PHF14: variants seen among roughly 807,000 people sequenced by gnomAD.
PHF14 encodes the protein PHD finger protein 14.
In PHF14, 55 loss-of-function variants were observed where a neutral mutation model predicts 117.9. The ratio of observed to expected loss-of-function variants is 0.47; its 90% CI spans 0.38 to 0.58. The LOEUF (loss-of-function observed/expected upper bound fraction) is 0.58. PHF14 is among the 20% of genes least tolerant of loss of function. The probability of loss-of-function intolerance (pLI) is 0.00; values close to 1 mark genes in which losing one functional copy is unlikely to be tolerated. For synonymous variants in PHF14, 409 were observed against 368.6 expected (o/e 1.11, Z -1.26); for missense variants, 978 against 1,122.2 (o/e 0.87, Z 1.84).
intron 14 of PHF14, among the ~76,000 whole-genome samples, chr7:11,055,728 T>A (rs946872001): frequency 2.6e-5 from 4 of 152,152 alleles, no homozygotes; most frequent in African/African-American, 9.6e-5. Context: ...GAGCCTACTT[T>A]TATTACATTT....
chr7:10,985,082 C>A (rs1443207642), intron 3 of PHF14, among the ~76,000 whole-genome samples: 1 of 151,994 alleles, frequency 6.6e-6, no homozygotes, highest in Non-Finnish European at 1.5e-5. Flanking sequence ...TAAATTATGT[C>A]CCTCAAATTA....
chr7:11,103,635 T>C, intron 16 of PHF14: 2 of 985,212 alleles, frequency 2.0e-6, no homozygotes, highest in Non-Finnish European at 2.4e-6. Flanking sequence ...TTCTGATTAA[T>C]AAATGTGGTT....
At chr7:11,017,109 T>C (rs757379890) in intron 5 of PHF14, among the ~76,000 whole-genome samples, 7 of 152,204 alleles carry the variant, frequency 4.6e-5, no homozygotes, top group South Asian at 4.1e-4. Context: ...TAGTACTCCA[T>C]TGTGTATTGT....
chr7:11,002,529 C>T (rs1340526205), intron 4 of PHF14, among the ~76,000 whole-genome samples: 3 of 152,140 alleles, frequency 2.0e-5, no homozygotes, highest in African/African-American at 4.8e-5. Flanking sequence ...ACCTCCACCT[C>T]CTGGGTTCAA....
At chr7:11,155,785 C>G (rs1420064816) in intron 17 of PHF14, among the ~76,000 whole-genome samples, 1 of 149,002 alleles carries the variant, frequency 6.7e-6, no homozygotes, top group Non-Finnish European at 1.5e-5. Context: ...TTTTTTTTAG[C>G]AACTAGCACA....
rs1583393899 is a variant in PHF14, at chr7:11,034,317, CTGT to C, written c.1456-1318_1456-1316del. Reference sequence around the variant, plus strand: ...GGGACAGACATAAAGAATGAACAGCCTGTTGTTTTGTTAGCAATTACATTGTAA... The same window carrying C: ...GGGACAGACATAAAGAATGAACAGCCTGTTTTGTTAGCAATTACATTGTAA... On this transcript the variant is annotated intron_variant, in intron 7 of 17. Coordinates refer to ENST00000634607, the MANE Select transcript of PHF14 (RefSeq NM_001007157.2). Among the ~76,000 whole-genome samples the C allele has an allele frequency of 2.0e-5, 3 of 152,054 alleles. No individual in the cohort carries two copies. The East Asian group carries it at 5.8e-4, about 29-fold the overall frequency.
intron 17 of PHF14, among the ~76,000 whole-genome samples, chr7:11,143,379 C>T (rs909592377): frequency 5.9e-5 from 9 of 152,074 alleles, no homozygotes; most frequent in South Asian, 4.2e-4. Context: ...CCTCTGCCTC[C>T]GAAAATGCTA....
intron 17 of PHF14, among the ~76,000 whole-genome samples, chr7:11,135,697 G>C (rs1788200807): frequency 6.6e-6 from 1 of 152,050 alleles, no homozygotes. Flanking sequence ...TCATTGCCGT[G>C]GTTATATTTC....
intron 16 of PHF14, among the ~76,000 whole-genome samples, chr7:11,073,290 G>A (rs1393993094): frequency 6.6e-6 from 1 of 152,130 alleles, no homozygotes; most frequent in Non-Finnish European, 1.5e-5. Context: ...ATACAATGGT[G>A]GTACAGACAT....
intron 6 of PHF14, among the ~76,000 whole-genome samples, chr7:11,027,184 G>A (rs1783947956): frequency 6.6e-6 from 1 of 152,094 alleles, no homozygotes. Flanking sequence ...ATATGTCTCT[G>A]TTCACAGTGT....
intron 5 of PHF14, among the ~76,000 whole-genome samples, chr7:11,022,144 A>G (rs978987105): frequency 5.3e-5 from 8 of 152,250 alleles, no homozygotes; most frequent in Admixed American, 1.3e-4. Context: ...AACAACTGCA[A>G]TTTTTTTCAG....
chr7:11,138,579 A>C (rs1265868246), intron 17 of PHF14, among the ~76,000 whole-genome samples: 1 of 152,210 alleles, frequency 6.6e-6, no homozygotes, highest in Non-Finnish European at 1.5e-5. Context: ...AATTAAGCTA[A>C]ACAAGGAAAT....
chr7:11,001,567 A>G (rs1320085458), intron 4 of PHF14, among the ~76,000 whole-genome samples: 1 of 149,344 alleles, frequency 6.7e-6, no homozygotes, highest in South Asian at 2.1e-4. Context: ...GATTTCTTTC[A>G]TCAGAGTTTT....
In PHF14 at chr7:11,035,752, A is replaced by G; in HGVS notation, c.1568A>G (p.Gln523Arg). ...ALQSYCKMSLQEREKQLSPEA... is the reference protein window; with the variant it reads ...ALQSYCKMSLREREKQLSPEA... The stretch of plus-strand genomic sequence containing the variant: ...CAGTCCTATTGTAAAATGTCTTTGC[A>G]AGAGAGAGAGAAGCAACTATCACCA... The change falls in exon 8 of 18, where the codon CAA (glutamine) becomes CGA (arginine). Residue 523 changes from glutamine to arginine, a missense_variant. Transcript: ENST00000634607. The G allele has an allele frequency of 6.2e-7, 1 of 1,608,476 alleles. No homozygotes were observed.
chr7:11,015,825 T>C (rs1783515948), intron 5 of PHF14, among the ~76,000 whole-genome samples: 1 of 151,630 alleles, frequency 6.6e-6, no homozygotes, highest in African/African-American at 2.4e-5. Flanking sequence ...GCATAGATTT[T>C]TTTTTTTTTT....
chr7:11,149,877 T>C (rs10282681), intron 17 of PHF14, among the ~76,000 whole-genome samples: 1 of 152,114 alleles, frequency 6.6e-6, no homozygotes, highest in Admixed American at 6.6e-5. Flanking sequence ...ATTTTTATAC[T>C]TCATATCTTT....
At chr7:11,062,124 A>C in intron 16 of PHF14, 39 bp downstream of exon 16, 1 of 1,532,250 alleles carries the variant, frequency 6.5e-7, no homozygotes, top group Non-Finnish European at 8.8e-7. Context: ...AGGGGATGAA[A>C]GTTCTATATT....
At chr7:11,121,258 G>A (rs1179479226) in intron 17 of PHF14, among the ~76,000 whole-genome samples, 1 of 152,168 alleles carries the variant, frequency 6.6e-6, no homozygotes, top group African/African-American at 2.4e-5. Flanking sequence ...GTTGAGTCTG[G>A]AAGTTAAGGT....
At chr7:11,154,706 A>G (rs963276882) in intron 17 of PHF14, among the ~76,000 whole-genome samples, 13 of 152,160 alleles carry the variant, frequency 8.5e-5, no homozygotes, top group Non-Finnish European at 7.4e-5. Flanking sequence ...TAACTCTGGG[A>G]AGAACTTCAG....
Sources: gnomAD v4.1 joint callset for allele counts (sites outside exome capture counted in the v4.1 genomes callset) on GRCh38, gnomAD v4.1.1 for gene constraint, MANE v1.5 for transcripts, NCBI Gene and HGNC (gene_info 2026-07-23, HGNC 2026-07-21) for gene names.